Variants in SSX1 observed in about 807,000 individuals in gnomAD.
SSX1 encodes the protein SSX family member 1.
SSX1 carries 58 observed loss-of-function variants against 14.6 expected under a neutral mutation model. That is an observed-to-expected ratio of 3.96 (90% CI 3.21 to 4.93). The LOEUF is 4.93. SSX1 is among the 30% of genes most tolerant of loss of function. The pLI is 0.00. For synonymous variants in SSX1, 46 were observed against 52.1 expected (o/e 0.88, Z 0.50); for missense variants, 272 against 143.1 (o/e 1.90, Z -4.60).
At position 48,258,635 on chromosome X, in the gene SSX1, A is replaced by C. The variant is rs1396485045; in HGVS notation, c.280+4A>C. 3 of 1,182,438 alleles carry C rather than the reference A, an allele frequency of 2.5e-6. No individual in the cohort carries two copies. Among genetic ancestry groups the C allele is most frequent in the African/African-American group, 1.8e-5 (1 of 56,332 alleles). On this transcript the variant is annotated splice_donor_region_variant and intron_variant, in intron 4 of 7. Transcript: ENST00000376919. ...GACCATAACCGCAGGATTCAGGGTG[A>C]GTAGATGGGAAGTGGCTGGAAAGGT...
At chrX:48,265,409 ATTG>A (rs2059619364) in intron 6 of SSX1, among the ~76,000 whole-genome samples, 1 of 111,422 alleles carries the variant, frequency 9.0e-6, no homozygotes, top group East Asian at 2.8e-4. Context: ...CCATTTTAGG[ATTG>A]TTAACTGTCC....
intron 6 of SSX1, 53 bp from the exon 7 acceptor site, chrX:48,266,234 C>A: frequency 2.5e-6 from 3 of 1,209,337 alleles, no homozygotes; most frequent in Admixed American, 4.3e-5. Context: ...AAAACAGAGC[C>A]TAACACTCTT....
intron 4 of SSX1, 54 bp from the exon 5 acceptor site, chrX:48,261,712 C>T (rs2059604369): frequency 1.7e-6 from 2 of 1,183,067 alleles, no homozygotes; most frequent in Non-Finnish European, 2.3e-6. Flanking sequence ...GAAGTCTCTC[C>T]AGAGTTTGGA....
Position 48,258,608 on chromosome X carries a change from A to G in SSX1, c.257A>G (p.Asn86Ser), listed in dbSNP as rs1439124998. ...ATDFQGNDFD[N>S]DHNRRIQVEH... The stretch of plus-strand genomic sequence containing the variant: ...GACTTCCAGGGGAATGATTTTGATA[A>G]TGACCATAACCGCAGGATTCAGGGT... Residue 86 changes from asparagine (N) to serine (S), a missense_variant, in exon 4 of 8, where the codon AAT (asparagine) becomes AGT (serine). Physicochemically the swap from Asn to Ser is conservative, Grantham distance 46 (BLOSUM62 1). Coordinates refer to ENST00000376919, the MANE Select transcript of SSX1 (RefSeq NM_005635.4). 7 of 1,205,100 alleles carry G rather than the reference A, an allele frequency of 5.8e-6. No homozygotes were observed. The highest frequency in any genetic ancestry group is 2.3e-4 in the Middle Eastern group (1 of 4,356).
chrX:48,264,745 T>G (rs2059617583), intron 6 of SSX1, among the ~76,000 whole-genome samples: 1 of 112,923 alleles, frequency 8.9e-6, no homozygotes, highest in South Asian at 3.6e-4. Flanking sequence ...ACTTTAGAAC[T>G]TCTTTCAAAG....
intron 6 of SSX1, among the ~76,000 whole-genome samples, chrX:48,265,637 C>T (rs782711840): frequency 3.6e-5 from 4 of 111,342 alleles, no homozygotes; most frequent in Admixed American, 9.6e-5. Flanking sequence ...TTAAAAATAA[C>T]GAAAAGAGTG....
At chrX:48,256,632 C>T (rs2059583203) in intron 1 of SSX1, among the ~76,000 whole-genome samples, 1 of 109,579 alleles carries the variant, frequency 9.1e-6, no homozygotes, top group South Asian at 4.0e-4. Context: ...CCCACATTTT[C>T]TCTAAGTGAT....
chrX:48,262,984 C>G (rs1337700926), intron 5 of SSX1, among the ~76,000 whole-genome samples: 1 of 110,324 alleles, frequency 9.1e-6, no homozygotes, highest in African/African-American at 3.3e-5. Context: ...AAATACAAAA[C>G]TTAGCAGGGC....
intron 5 of SSX1, among the ~76,000 whole-genome samples, chrX:48,263,220 C>A (rs1293081748): frequency 9.0e-6 from 1 of 111,232 alleles, no homozygotes; most frequent in African/African-American, 3.3e-5. Flanking sequence ...CACTGAATTC[C>A]ACATTCAATG....
At position 48,261,775 on chromosome X, in the gene SSX1, C is replaced by T. The variant is rs1556935505; in HGVS notation, c.290C>T (p.Pro97Leu). The change falls in exon 5 of 8, where the codon CCT (proline) becomes CTT (leucine). Residue 97 changes from proline (P) to leucine (L), a missense_variant. Coordinates refer to ENST00000376919, the MANE Select transcript of SSX1 (RefSeq NM_005635.4). ...DHNRRIQVEH[P>L]QMTFGRLHRI... ...ATGTGTTCTCTTTCAGTTGAACATC[C>T]TCAGATGACTTTCGGCAGGCTCCAC... 1 of 1,210,993 alleles carries T rather than the reference C, an allele frequency of 8.3e-7. No individual in the cohort carries two copies. The highest frequency in any genetic ancestry group is 2.2e-5 in the Admixed American group (1 of 45,986).
intron 6 of SSX1, among the ~76,000 whole-genome samples, chrX:48,266,002 C>T (rs1601950651): frequency 9.0e-6 from 1 of 111,728 alleles, no homozygotes; most frequent in Non-Finnish European, 1.9e-5. Flanking sequence ...TTAACAAATA[C>T]GTGCTGAATG....
intron 1 of SSX1, 23 bp from the exon 2 acceptor site, chrX:48,257,199 G>C (rs782565048): frequency 8.3e-7 from 1 of 1,199,983 alleles, no homozygotes; most frequent in Non-Finnish European, 1.1e-6. Flanking sequence ...TAGCTAGAAA[G>C]TCTCAGGCTG....
At position 48,262,326 on chromosome X, in the gene SSX1, T is replaced by C. The variant is rs782714229; in HGVS notation, c.330+511T>C. Among the ~76,000 whole-genome samples, 32 of 112,292 alleles carry C rather than the reference T, an allele frequency of 2.8e-4. 1 individual carries two copies. Among genetic ancestry groups the C allele is most frequent in the Admixed American group, 2.6e-3 (27 of 10,566 alleles). On this transcript the variant is annotated intron_variant, in intron 5 of 7. Transcript: ENST00000376919. ...TCCTGGGGCACAGTGTCAGTGGTAG[T>C]CTAATCCAGAGCTCCAAGCCATTTA...
intron 3 of SSX1, among the ~76,000 whole-genome samples, chrX:48,258,091 G>A (rs1164111141): frequency 2.8e-5 from 3 of 107,506 alleles, no homozygotes; most frequent in South Asian, 4.3e-4. Context: ...TCCCTTAGGC[G>A]TCTGTTCTGA....
At chrX:48,264,225 G>A (rs782125055) in intron 6 of SSX1, among the ~76,000 whole-genome samples, 2 of 112,088 alleles carry the variant, frequency 1.8e-5, no homozygotes, top group African/African-American at 6.5e-5. Flanking sequence ...AAATCCTGAA[G>A]GCCTGATGAC....
rs1181335448 is a variant in SSX1 at position 48,267,279 on chromosome X, G to GCA, written c.*442_*443dup. The GCA allele has an allele frequency of 1.8e-5, 4 of 217,641 alleles. No individual in the cohort carries two copies. The highest frequency in any genetic ancestry group is 1.9e-4 in the South Asian group (2 of 10,563). 17.9% of individuals were successfully genotyped at this position (217,641 alleles called of 1,213,427 possible). On this transcript the variant is annotated 3_prime_UTR_variant, in exon 8 of 8. Coordinates refer to ENST00000376919, the MANE Select transcript of SSX1 (RefSeq NM_005635.4). ...TTTACACACACACACACACACACACGCACACACACACACCAAGTACCAGTA... is the reference window on the plus strand; with the variant it reads ...TTTACACACACACACACACACACACGCACACACACACACACCAAGTACCAGTA...
intron 5 of SSX1, among the ~76,000 whole-genome samples, chrX:48,262,669 G>A (rs1394227689): frequency 9.0e-6 from 1 of 111,542 alleles, no homozygotes; most frequent in Non-Finnish European, 1.9e-5. Context: ...GAAGGTAAAG[G>A]GATCTGGGAG....
chrX:48,257,817 C>G lies in SSX1; in HGVS notation c.141C>G (p.Ser47Arg). The G allele has an allele frequency of 1.7e-6, 2 of 1,205,241 alleles. No homozygotes were observed. The highest frequency in any genetic ancestry group is 2.2e-6 in the Non-Finnish European group (2 of 891,142). Reference sequence around the variant, plus strand: ...AGATGAAATACTCGGAGAAAATCAGCTATGTGTATATGAAGAGAAACTATA... The same window carrying G: ...AGATGAAATACTCGGAGAAAATCAGGTATGTGTATATGAAGAGAAACTATA... The part of the protein sequence containing the change: ...WKKMKYSEKI[S>R]YVYMKRNYKA... The change falls in exon 3 of 8, where the codon AGC becomes AGG. Residue 47 changes from serine to arginine, a missense_variant. Physicochemically the swap from Ser to Arg is moderately radical, Grantham distance 110. Coordinates refer to ENST00000376919, the MANE Select transcript of SSX1 (RefSeq NM_005635.4).
intron 4 of SSX1, among the ~76,000 whole-genome samples, chrX:48,259,910 A>T (rs781934537): frequency 9.6e-6 from 1 of 104,371 alleles, no homozygotes; most frequent in East Asian, 3.0e-4. Flanking sequence ...CACAATAAAC[A>T]TATGTGTGCA....
Sources: gnomAD v4.1 joint callset for allele counts (sites outside exome capture counted in the v4.1 genomes callset) on GRCh38, gnomAD v4.1.1 for gene constraint, MANE v1.5 for transcripts, NCBI Gene and HGNC (gene_info 2026-07-23, HGNC 2026-07-21) for gene names.